MAGI2: variants seen among roughly 807,000 people sequenced by gnomAD.
MAGI2 encodes membrane-associated guanylate kinase, WW and PDZ domain-containing protein 2.
In MAGI2, 35 loss-of-function variants were observed where a neutral mutation model predicts 133.3. That is an observed-to-expected ratio of 0.26 (90% CI 0.20 to 0.35). MAGI2 has a LOEUF of 0.35. MAGI2 is among the 10% of genes least tolerant of loss of function. The pLI, the probability that MAGI2 is intolerant of heterozygous loss-of-function variation, is 1.00. For missense variants in MAGI2, 1,636 were observed against 1,863.4 expected, an observed-to-expected ratio of 0.88 and a Z score of 2.25; for synonymous variants, 729 against 710.6, an observed-to-expected ratio of 1.03 and a Z score of -0.41.
chr7:79,233,757 G>T, intron 1 of MAGI2, among the ~76,000 whole-genome samples: 1 of 107,810 alleles, frequency 9.3e-6, no homozygotes, highest in African/African-American at 3.3e-5. Context: ...CAATTTGCCA[G>T]TCTGTGTCTT....
chr7:79,215,593 C>A (rs965092406), intron 1 of MAGI2, among the ~76,000 whole-genome samples: 1 of 151,932 alleles, frequency 6.6e-6, no homozygotes, highest in Admixed American at 6.6e-5. Context: ...GACCAATTCC[C>A]AATCAGAAAA....
At chr7:79,216,511 T>C (rs1271706503) in intron 1 of MAGI2, among the ~76,000 whole-genome samples, 1 of 152,010 alleles carries the variant, frequency 6.6e-6, no homozygotes, top group East Asian at 1.9e-4. Flanking sequence ...GAGTGCACTG[T>C]AATACAGGCC....
intron 1 of MAGI2, among the ~76,000 whole-genome samples, chr7:79,320,075 T>G (rs1173046367): frequency 6.6e-6 from 1 of 152,144 alleles, no homozygotes; most frequent in Non-Finnish European, 1.5e-5. Flanking sequence ...TGGACATTCC[T>G]GGTGCTGACT....
At chr7:78,609,989 C>T (rs558215272) in intron 3 of MAGI2, among the ~76,000 whole-genome samples, 2 of 152,194 alleles carry the variant, frequency 1.3e-5, no homozygotes, top group Non-Finnish European at 2.9e-5. Context: ...ACTAAGACCT[C>T]TAGGTCAGCA....
intron 2 of MAGI2, among the ~76,000 whole-genome samples, chr7:78,893,443 C>T (rs6972051): frequency 0.52 from 78,370 of 151,670 alleles, 21,876 homozygotes; most frequent in South Asian, 0.68. Context: ...ATGTTTATTG[C>T]GGCACTATTC....
intron 6 of MAGI2, 38 bp downstream of exon 6, chr7:78,489,723 G>A: frequency 6.9e-7 from 1 of 1,449,680 alleles, no homozygotes; most frequent in Non-Finnish European, 9.6e-7. Flanking sequence ...CATTCTCAAA[G>A]CACATTGCTG....
chr7:78,351,319 C>T (rs1482549414), intron 7 of MAGI2, among the ~76,000 whole-genome samples: 1 of 151,970 alleles, frequency 6.6e-6, no homozygotes, highest in Admixed American at 6.6e-5. Context: ...CTAGCCTGGG[C>T]AACACGGCAA....
intron 12 of MAGI2, among the ~76,000 whole-genome samples, chr7:78,194,088 A>G (rs1015050919): frequency 6.6e-6 from 1 of 152,214 alleles, no homozygotes; most frequent in Non-Finnish European, 1.5e-5. Context: ...TGGGAGCGCC[A>G]GGGACCAAAC....
In MAGI2 at chr7:78,019,908, C is replaced by T. The variant is rs768314813; in HGVS notation, c.3775G>A (p.Asp1259Asn). 6.2e-7 allele frequency: 1 copy of T among 1,610,598 alleles called. No homozygotes were observed. The highest frequency in any genetic ancestry group is 8.5e-7 in the Non-Finnish European group (1 of 1,178,810). ...PGLPEVGVSL[D>N]DGLAPFSPSH... ...GGAGAGAATGGAGCGAGGCCGTCGTCCAGGGAGACGCCTACTTCCGGCAGA... is the reference window on the plus strand; with the variant it reads ...GGAGAGAATGGAGCGAGGCCGTCGTTCAGGGAGACGCCTACTTCCGGCAGA... Residue 1259 changes from aspartate to asparagine, a missense_variant, in exon 22 of 22, where the codon GAC (aspartate) becomes AAC (asparagine). By Grantham distance (23) the Asp-to-Asn change is conservative (BLOSUM62 1). Transcript: ENST00000354212.
At chr7:78,556,807 C>T (rs992756551) in intron 3 of MAGI2, among the ~76,000 whole-genome samples, 8 of 151,858 alleles carry the variant, frequency 5.3e-5, no homozygotes, top group African/African-American at 1.5e-4. Flanking sequence ...GTGGGTTTGC[C>T]GCCGGGCATG....
chr7:78,655,030 A>G (rs1812015429), intron 2 of MAGI2, among the ~76,000 whole-genome samples: 2 of 151,550 alleles, frequency 1.3e-5, no homozygotes, highest in African/African-American at 4.8e-5. Context: ...GGTGATAGAA[A>G]CCTCATTTAC....
At chr7:79,218,434 T>G (rs1669644248) in intron 1 of MAGI2, among the ~76,000 whole-genome samples, 1 of 152,068 alleles carries the variant, frequency 6.6e-6, no homozygotes, top group Non-Finnish European at 1.5e-5. Flanking sequence ...CTATGTAACC[T>G]TTACCAGTTT....
chr7:78,951,479 A>C (rs2151702327), intron 2 of MAGI2, among the ~76,000 whole-genome samples: 1 of 152,248 alleles, frequency 6.6e-6, no homozygotes, highest in East Asian at 1.9e-4. Context: ...AAGTGCCAGC[A>C]GGGGAAATGC....
At chr7:78,934,793 A>T (rs1052787243) in intron 2 of MAGI2, among the ~76,000 whole-genome samples, 2 of 152,176 alleles carry the variant, frequency 1.3e-5, no homozygotes, top group African/African-American at 4.8e-5. Flanking sequence ...ATTTCAGATA[A>T]GGGATGCTCA....
At chr7:78,041,429 A>G (rs1459512780) in intron 21 of MAGI2, among the ~76,000 whole-genome samples, 1 of 152,100 alleles carries the variant, frequency 6.6e-6, no homozygotes, top group African/African-American at 2.4e-5. Flanking sequence ...TAATCCCAAC[A>G]CTCTGGGAGC....
At chr7:79,337,093 G>A (rs886353165) in intron 1 of MAGI2, among the ~76,000 whole-genome samples, 1 of 151,770 alleles carries the variant, frequency 6.6e-6, no homozygotes, top group Admixed American at 6.6e-5. Context: ...ATAACATCAT[G>A]TTATAACCTG....
intron 1 of MAGI2, among the ~76,000 whole-genome samples, chr7:79,110,383 C>A (rs1205606793): frequency 6.6e-6 from 1 of 152,122 alleles, no homozygotes; most frequent in Non-Finnish European, 1.5e-5. Context: ...GCAGTGTGCC[C>A]TAAATATGGG....
At chr7:79,016,054 C>A (rs1011737883) in intron 1 of MAGI2, among the ~76,000 whole-genome samples, 11 of 150,846 alleles carry the variant, frequency 7.3e-5, no homozygotes, top group Non-Finnish European at 1.3e-4. Context: ...CCCTGGGGGC[C>A]CCTGGAATCC....
intron 2 of MAGI2, among the ~76,000 whole-genome samples, chr7:78,659,026 C>A (rs2151034817): frequency 6.6e-6 from 1 of 152,256 alleles, no homozygotes; most frequent in East Asian, 1.9e-4. Context: ...GTTATAGCAC[C>A]TTTATTTGTA....
Sources: allele counts gnomAD v4.1 joint callset (sites outside exome capture counted in the v4.1 genomes callset), GRCh38; gene constraint gnomAD v4.1.1; transcripts MANE v1.5; gene names NCBI Gene and HGNC (gene_info 2026-07-23, HGNC 2026-07-21).